RBFOX1: variants seen among roughly 807,000 people sequenced by gnomAD.
The protein encoded by RBFOX1 is RNA binding protein fox-1 homolog 1.
In RBFOX1, 8 loss-of-function variants were observed where a neutral mutation model predicts 57.7. The ratio of observed to expected loss-of-function variants is 0.14; its 90% CI spans 0.08 to 0.25. The LOEUF is 0.25. Ranked by LOEUF, RBFOX1 falls within the 10% of genes least tolerant of loss-of-function variation. The probability of loss-of-function intolerance (pLI) is 1.00; values close to 1 mark genes in which losing one functional copy is unlikely to be tolerated. For missense variants in RBFOX1, 611 were observed against 548.5 expected (o/e 1.11, Z -1.14); for synonymous variants, 326 against 222.4 (o/e 1.47, Z -4.15).
chr16:7,677,171 T>C (rs2073586277), intron 14 of RBFOX1, among the ~76,000 whole-genome samples: 1 of 66,488 alleles, frequency 1.5e-5, no homozygotes, highest in Non-Finnish European at 4.2e-5. Context: ...CGTACAACCT[T>C]CTTATGGTCT....
chr16:5,668,151 T>C (rs1367735341), intron 3 of RBFOX1, among the ~76,000 whole-genome samples: 1 of 152,134 alleles, frequency 6.6e-6, no homozygotes. Context: ...CATGGTGGCA[T>C]GTGCCCATAG....
At chr16:7,426,952 A>T (rs868688339) in intron 4 of RBFOX1, among the ~76,000 whole-genome samples, 1 of 152,212 alleles carries the variant, frequency 6.6e-6, no homozygotes, top group East Asian at 1.9e-4. Context: ...GGATGAGTTC[A>T]TGTCCTTTGT....
chr16:7,002,318 A>T (rs1489087228), intron 3 of RBFOX1, among the ~76,000 whole-genome samples: 2 of 152,188 alleles, frequency 1.3e-5, no homozygotes, highest in Non-Finnish European at 2.9e-5. Context: ...GTATCCTCTA[A>T]AGCTATTTTG....
intron 3 of RBFOX1, among the ~76,000 whole-genome samples, chr16:6,912,309 A>G (rs1380120584): frequency 2.0e-5 from 3 of 152,142 alleles, no homozygotes; most frequent in Non-Finnish European, 4.4e-5. Context: ...TTCTGACTGA[A>G]TAGCTCTGGG....
At chr16:6,964,397 C>G (rs777633392) in intron 3 of RBFOX1, among the ~76,000 whole-genome samples, 97 of 152,222 alleles carry the variant, frequency 6.4e-4, no homozygotes, top group Non-Finnish European at 1.1e-3. Flanking sequence ...ATATTGGTCT[C>G]AACCCACACA....
At position 7,130,946 on chromosome 16, in the gene RBFOX1, G is replaced by A. The variant is rs145645654; in HGVS notation, c.27+78848G>A. 2.0e-3 allele frequency among the ~76,000 whole-genome samples: 301 copies of A among 152,264 alleles called. 1 individual carries two copies. The highest frequency in any genetic ancestry group is 5.2e-3 in the South Asian group (25 of 4,814). ...TTATCATCAGTCCTGGATAGAGAAGGTGCACCACCTATAAGTGAAGGTGAT... is the reference window on the plus strand; with the variant it reads ...TTATCATCAGTCCTGGATAGAGAAGATGCACCACCTATAAGTGAAGGTGAT... On this transcript the variant is annotated intron_variant, in intron 4 of 15. Transcript: ENST00000550418.
intron 3 of RBFOX1, among the ~76,000 whole-genome samples, chr16:6,876,077 G>C (rs2061791048): frequency 6.6e-6 from 1 of 151,776 alleles, no homozygotes; most frequent in South Asian, 2.1e-4. Flanking sequence ...GGGGGCTGAG[G>C]TAGGAGGGTC....
intron 1 of RBFOX1, among the ~76,000 whole-genome samples, chr16:6,291,159 C>T (rs2077428934): frequency 6.6e-6 from 1 of 152,136 alleles, no homozygotes; most frequent in Non-Finnish European, 1.5e-5. Flanking sequence ...CCACCTTCTC[C>T]ACTGCAACCT....
chr16:6,817,763 A>C (rs543891443), intron 3 of RBFOX1, among the ~76,000 whole-genome samples: 1 of 152,244 alleles, frequency 6.6e-6, no homozygotes, highest in African/African-American at 2.4e-5. Context: ...TGTGTGTGTT[A>C]AGTACATCTG....
intron 3 of RBFOX1, among the ~76,000 whole-genome samples, chr16:6,868,004 T>C (rs1383922182): frequency 6.6e-6 from 1 of 152,202 alleles, no homozygotes; most frequent in East Asian, 1.9e-4. Flanking sequence ...TCTGAGAAGC[T>C]GAAACTACTA....
intron 3 of RBFOX1, among the ~76,000 whole-genome samples, chr16:5,686,404 A>G (rs2050506119): frequency 6.6e-6 from 1 of 152,140 alleles, no homozygotes; most frequent in South Asian, 2.1e-4. Context: ...TTGAGAATAG[A>G]AGAAAGACTT....
intron 2 of RBFOX1, among the ~76,000 whole-genome samples, chr16:6,478,402 TATATATATATATATATA>T (rs1166788940): frequency 0.013 from 146 of 11,282 alleles, 3 homozygotes; most frequent in African/African-American, 0.046. Flanking sequence ...TATATATATA[TATATATATATATATATA>T]TATATATATA....
rs549325303 is a variant in RBFOX1 at position 7,285,716 on chromosome 16, T to C, written c.28-232431T>C. Among the ~76,000 whole-genome samples, 13 of 152,320 alleles carry C rather than the reference T, an allele frequency of 8.5e-5. No homozygotes were observed. In the East Asian group the frequency reaches 1.5e-3, roughly 18 times the overall value. On this transcript the variant is annotated intron_variant, in intron 4 of 15. Transcript: ENST00000550418. ...AACTGCTGTGTGTATAAATAACTTA[T>C]TCCTTTTCATTGCTGTGTAGTATTC... is the stretch of plus-strand genomic sequence containing the variant.
intron 3 of RBFOX1, among the ~76,000 whole-genome samples, chr16:6,737,003 G>A (rs565740099): frequency 1.1e-4 from 17 of 152,236 alleles, no homozygotes; most frequent in Admixed American, 9.8e-4. Flanking sequence ...CCTGACACGG[G>A]AACCGTCTGA....
chr16:6,956,654 G>T lies in RBFOX1; in HGVS notation c.-15-95403G>T, dbSNP rs1379235540. Among the ~76,000 whole-genome samples, 3 of 152,188 alleles carry T rather than the reference G, an allele frequency of 2.0e-5. 1 individual carries two copies. The highest frequency in any genetic ancestry group is 4.1e-4 in the South Asian group (2 of 4,828). ...CTTCTTGTGCCTGCTATTTGTGGCT[G>T]ATGTTGCTCCAGTTATCTATTGCAT... On this transcript the variant is annotated intron_variant, in intron 3 of 15. Transcript: ENST00000550418.
At chr16:5,729,534 A>C (rs1272471807) in intron 3 of RBFOX1, among the ~76,000 whole-genome samples, 2 of 151,592 alleles carry the variant, frequency 1.3e-5, no homozygotes, top group East Asian at 3.9e-4. Flanking sequence ...GGCATGTGGG[A>C]ACTAAGACCT....
intron 3 of RBFOX1, among the ~76,000 whole-genome samples, chr16:6,891,023 G>A (rs546896171): frequency 6.6e-6 from 1 of 152,242 alleles, no homozygotes; most frequent in East Asian, 1.9e-4. Context: ...ACGTTTTGAG[G>A]ACAGGAGTTA....
chr16:5,883,902 G>C (rs113245197), intron 4 of RBFOX1, among the ~76,000 whole-genome samples: 36 of 152,214 alleles, frequency 2.4e-4, no homozygotes, highest in African/African-American at 8.7e-4. Context: ...TCTCCCTTTA[G>C]GGACAACACA....
At chr16:7,571,317 A>C (rs2092749508) in intron 5 of RBFOX1, among the ~76,000 whole-genome samples, 1 of 152,132 alleles carries the variant, frequency 6.6e-6, no homozygotes, top group African/African-American at 2.4e-5. Context: ...CAGACAGAGG[A>C]AACCCCAGGA....
Sources: gnomAD v4.1 joint callset for allele counts (sites outside exome capture counted in the v4.1 genomes callset) on GRCh38, gnomAD v4.1.1 for gene constraint, MANE v1.5 for transcripts, NCBI Gene and HGNC (gene_info 2026-07-23, HGNC 2026-07-21) for gene names.